The following FBRSL1 variants were observed in gnomAD, a reference collection of about 807,000 sequenced individuals.
The protein encoded by FBRSL1 is fibrosin-1-like protein.
Under a neutral mutation model 89.6 loss-of-function variants are expected in FBRSL1, and 51 were observed. The ratio of observed to expected loss-of-function variants is 0.57; its 90% CI spans 0.45 to 0.72. The LOEUF (loss-of-function observed/expected upper bound fraction) is 0.72. FBRSL1 is among the 30% of genes least tolerant of loss of function. The pLI is 0.00. For synonymous variants in FBRSL1, 779 were observed against 681.1 expected (o/e 1.14, Z -2.24); for missense variants, 1,618 against 1,451.8 (o/e 1.11, Z -1.86).
At chr12:132,564,538 C>G (rs1460504440) in intron 5 of FBRSL1, among the ~76,000 whole-genome samples, 1 of 96,916 alleles carries the variant, frequency 1.0e-5, no homozygotes, top group East Asian at 2.8e-4. Context: ...CTCTGTCGCC[C>G]AGGCTGGAGT....
intron 15 of FBRSL1, chr12:132,580,786 T>G: frequency 2.0e-6 from 2 of 985,394 alleles, no homozygotes; most frequent in Non-Finnish European, 2.4e-6. Context: ...GCCCTGCTGG[T>G]CTTTACCAGA....
rs2040739322 is a variant in FBRSL1 at position 132,581,437 on chromosome 12, A to G, written c.1835-2A>G. 1 of 1,550,480 alleles carries G rather than the reference A, an allele frequency of 6.4e-7. No individual in the cohort carries two copies. The highest frequency in any genetic ancestry group is 2.4e-5 in the East Asian group (1 of 40,904). Reference sequence around the variant, plus strand: ...TCTGTCAAACCTGGCTGCCCCCCCCAGGTGCCGCCCATCCTGCCTCCAACC... The same window carrying G: ...TCTGTCAAACCTGGCTGCCCCCCCCGGGTGCCGCCCATCCTGCCTCCAACC... On this transcript the variant is annotated splice_acceptor_variant, in intron 15 of 18. Coordinates refer to ENST00000680143, the MANE Select transcript of FBRSL1 (RefSeq NM_001367871.1). LOFTEE classifies it high-confidence loss of function.
rs1365483374 is a variant in FBRSL1, at chr12:132,557,806, C to T, written c.646-9675C>T. On this transcript the variant is annotated intron_variant, in intron 5 of 18. Transcript: ENST00000680143. ...AGCAGGGAGAGTGGGCACAGCTTGGCGGGACCGAGGCCTGCTGGGCAGCCG... is the reference window on the plus strand; with the variant it reads ...AGCAGGGAGAGTGGGCACAGCTTGGTGGGACCGAGGCCTGCTGGGCAGCCG... 2.0e-5 allele frequency among the ~76,000 whole-genome samples: 3 copies of T among 152,326 alleles called. No homozygotes were observed. In the South Asian group the frequency reaches 6.2e-4, roughly 32 times the overall value.
chr12:132,525,982 G>A (rs182048925), intron 3 of FBRSL1, among the ~76,000 whole-genome samples, 159 bp downstream of exon 3: 3 of 152,240 alleles, frequency 2.0e-5, no homozygotes, highest in Non-Finnish European at 4.4e-5. Context: ...GCTGCACCCT[G>A]CACAAGGGCG....
At chr12:132,574,394 C>T in intron 13 of FBRSL1, 46 bp downstream of exon 13, 1 of 1,549,050 alleles carries the variant, frequency 6.5e-7, no homozygotes, top group Non-Finnish European at 8.7e-7. Flanking sequence ...GACTCTGGTG[C>T]CCCCGGGGCG....
At chr12:132,573,287 G>A (rs1036873202) in intron 11 of FBRSL1, among the ~76,000 whole-genome samples, 8 of 152,170 alleles carry the variant, frequency 5.3e-5, no homozygotes, top group East Asian at 3.9e-4. Context: ...ATCCTGCAGC[G>A]CCCACTCATT....
intron 5 of FBRSL1, among the ~76,000 whole-genome samples, chr12:132,557,484 G>A (rs2038772809): frequency 6.6e-6 from 1 of 152,102 alleles, no homozygotes; most frequent in Non-Finnish European, 1.5e-5. Context: ...GCAGGGCTGT[G>A]GGGCGGGGCT....
chr12:132,497,188 C>T (rs1438225276), intron 1 of FBRSL1, among the ~76,000 whole-genome samples: 4 of 152,226 alleles, frequency 2.6e-5, no homozygotes, highest in Non-Finnish European at 5.9e-5. Flanking sequence ...AGCACCTGGA[C>T]AGAATACTCG....
chr12:132,581,302 T>C, intron 15 of FBRSL1, 137 bp from the exon 16 acceptor site: 11 of 1,519,426 alleles, frequency 7.2e-6, no homozygotes, highest in Non-Finnish European at 9.7e-6. Flanking sequence ...TGGACACGCT[T>C]CACCCCTCAG....
At chr12:132,560,401 G>A (rs910080813) in intron 5 of FBRSL1, among the ~76,000 whole-genome samples, 1 of 151,984 alleles carries the variant, frequency 6.6e-6, no homozygotes, top group Admixed American at 6.6e-5. Context: ...GGGCGCACGT[G>A]GCGGCGGGCG....
In FBRSL1 at chr12:132,490,244, CCGGCCCCGCCCGCT is replaced by C; in HGVS notation, c.-320_-307del. On this transcript the variant is annotated 5_prime_UTR_variant, in exon 1 of 19. Coordinates refer to ENST00000680143, the MANE Select transcript of FBRSL1 (RefSeq NM_001367871.1). ...CCCGCCTGCCGCCTGCCGCGCCCGCCCGGCCCCGCCCGCTCGGCCCGATCGCCGCGCCGCGCGCA... is the reference window on the plus strand; with the variant it reads ...CCCGCCTGCCGCCTGCCGCGCCCGCCCGGCCCGATCGCCGCGCCGCGCGCA... 1 of 145,002 alleles carries C rather than the reference CCGGCCCCGCCCGCT, an allele frequency of 6.9e-6. No individual in the cohort carries two copies. Among genetic ancestry groups the C allele is most frequent in the East Asian group, 2.1e-4 (1 of 4,856 alleles). 9.0% of individuals were successfully genotyped at this position (145,002 alleles called of 1,614,324 possible).
chr12:132,578,660 C>T (rs2040544086), intron 15 of FBRSL1, among the ~76,000 whole-genome samples: 1 of 152,226 alleles, frequency 6.6e-6, no homozygotes, highest in Non-Finnish European at 1.5e-5. Context: ...CTGATGGAAC[C>T]TTTCCCAGCC....
At position 132,583,905 on chromosome 12, in the gene FBRSL1, A is replaced by G; in HGVS notation, c.*127A>G. On this transcript the variant is annotated 3_prime_UTR_variant, in exon 19 of 19. Coordinates refer to ENST00000680143, the MANE Select transcript of FBRSL1 (RefSeq NM_001367871.1). ...CCGCCTCTCCACCCGCAGCCTGCGG[A>G]GGCGGGGACTTGGGTGTCGGCTTTT... 1 of 398,694 alleles carries G rather than the reference A, an allele frequency of 2.5e-6. No homozygotes were observed. The highest frequency in any genetic ancestry group is 3.9e-6 in the Non-Finnish European group (1 of 258,846). 24.7% of individuals were successfully genotyped at this position (398,694 alleles called of 1,614,324 possible).
Position 132,570,437 on chromosome 12 carries a change from G to T in FBRSL1, c.1110G>T (p.Gln370His). ...CCTCACACCTGGCGCTCCGGTCCCA[G>T]GCGCAGCACCAGCTCCACGCGGCCA... ...LSTSHLALRS[Q>H]AQHQLHAAMF... The change falls in exon 8 of 19, where the codon CAG becomes CAT. Residue 370 changes from glutamine to histidine, a missense_variant. By Grantham distance (24) the Gln-to-His change is conservative. Transcript: ENST00000680143. 6.5e-7 allele frequency: 1 copy of T among 1,534,852 alleles called. No individual in the cohort carries two copies. The highest frequency in any genetic ancestry group is 2.5e-5 in the East Asian group (1 of 40,802).
chr12:132,542,593 C>T (rs1435237987), intron 4 of FBRSL1, among the ~76,000 whole-genome samples: 1 of 152,224 alleles, frequency 6.6e-6, no homozygotes, highest in African/African-American at 2.4e-5. Context: ...CCAGACAGCT[C>T]TCCTGGATGG....
At chr12:132,496,820 C>T (rs1487969488) in intron 1 of FBRSL1, among the ~76,000 whole-genome samples, 2 of 141,178 alleles carry the variant, frequency 1.4e-5, no homozygotes, top group East Asian at 2.4e-4. Flanking sequence ...GCCGCCGCCC[C>T]GCGCTTCCTT....
At chr12:132,493,884 C>G (rs546277834) in intron 1 of FBRSL1, among the ~76,000 whole-genome samples, 4 of 152,194 alleles carry the variant, frequency 2.6e-5, no homozygotes, top group Non-Finnish European at 5.9e-5. Flanking sequence ...TGGTTGTGGG[C>G]TGAGGAGGGC....
chr12:132,563,011 A>ACAG (rs2039270815), intron 5 of FBRSL1, among the ~76,000 whole-genome samples: 1 of 57,558 alleles, frequency 1.7e-5, no homozygotes, highest in Non-Finnish European at 3.7e-5. Flanking sequence ...TGCACCCCAC[A>ACAG]CCTGGCCCCC....
chr12:132,571,515 A>AC, intron 9 of FBRSL1: 1 of 1,506,700 alleles, frequency 6.6e-7, no homozygotes, highest in Non-Finnish European at 8.9e-7. Flanking sequence ...CGCCCGCCGC[A>AC]CCCCCGCCGG....
Sources: gnomAD v4.1 joint callset for allele counts (sites outside exome capture counted in the v4.1 genomes callset) on GRCh38, gnomAD v4.1.1 for gene constraint, MANE v1.5 for transcripts, NCBI Gene and HGNC (gene_info 2026-07-23, HGNC 2026-07-21) for gene names.